The following ZMYM4 variants were observed in gnomAD, a reference collection of about 807,000 sequenced individuals.
The protein encoded by ZMYM4 is zinc finger MYM-type containing 4, also known as zinc finger MYM-type protein 4.
In ZMYM4, 31 loss-of-function variants were observed where a neutral mutation model predicts 183.2. That is an observed-to-expected ratio of 0.17 (90% confidence interval 0.13 to 0.23). The LOEUF (loss-of-function observed/expected upper bound fraction) is 0.23. ZMYM4 is among the 10% of genes least tolerant of loss of function. The probability of loss-of-function intolerance (pLI) is 1.00; values close to 1 mark genes in which losing one functional copy is unlikely to be tolerated. For synonymous variants in ZMYM4, 592 were observed against 631.2 expected (o/e 0.94, Z 0.93); for missense variants, 1,273 against 1,840.3 (o/e 0.69, Z 5.64).
intron 1 of ZMYM4, among the ~76,000 whole-genome samples, chr1:35,306,260 T>G (rs946544834): frequency 6.6e-6 from 1 of 152,230 alleles, no homozygotes; most frequent in Non-Finnish European, 1.5e-5. Context: ...TTATATCATT[T>G]ATAGAACCTG....
In ZMYM4 at chr1:35,268,971, TGGGCG is replaced by T. The variant is rs1200580077; in HGVS notation, c.-72_-68del. 4.1e-6 allele frequency: 6 copies of T among 1,453,920 alleles called. No homozygotes were observed. Among genetic ancestry groups the T allele is most frequent in the Admixed American group, 4.9e-5 (2 of 40,470 alleles). 90.1% of individuals were successfully genotyped at this position (1,453,920 alleles called of 1,614,324 possible). A position where few individuals can be genotyped will look rare whatever the true frequency, so the allele number is the denominator to read the frequency against. On this transcript the variant is annotated 5_prime_UTR_variant, in exon 1 of 30. Transcript: ENST00000314607. Reference sequence around the variant, plus strand: ...CCGCGAGGCGGCCGTGCCTGCAGTGTGGGCGGGGGCCGGGGGGCCGAGAGGTACCG... The same window carrying T: ...CCGCGAGGCGGCCGTGCCTGCAGTGTGGGGCCGGGGGGCCGAGAGGTACCG...
chr1:35,294,920 T>C (rs551215479), intron 1 of ZMYM4, among the ~76,000 whole-genome samples: 20 of 152,288 alleles, frequency 1.3e-4, no homozygotes, highest in East Asian at 7.7e-4. Context: ...ATAAAAACAA[T>C]AGATAACCAC....
At chr1:35,347,718 G>A (rs1459831844) in intron 2 of ZMYM4, among the ~76,000 whole-genome samples, 2 of 152,034 alleles carry the variant, frequency 1.3e-5, no homozygotes, top group Admixed American at 1.3e-4. Context: ...AAGAATAGTA[G>A]GAATGCTTAT....
intron 1 of ZMYM4, among the ~76,000 whole-genome samples, chr1:35,307,639 A>G (rs575134188): frequency 2.7e-4 from 41 of 149,456 alleles, no homozygotes; most frequent in African/African-American, 9.6e-4. Flanking sequence ...GGTTCACGCC[A>G]TTCTCCTGCC....
At chr1:35,296,744 C>G (rs1641031803) in intron 1 of ZMYM4, among the ~76,000 whole-genome samples, 1 of 151,864 alleles carries the variant, frequency 6.6e-6, no homozygotes, top group African/African-American at 2.4e-5. Context: ...TTGAAATAGT[C>G]AGTTTCATTC....
chr1:35,399,442 G>A (rs1338034586), intron 22 of ZMYM4, 40 bp from the exon 23 acceptor site: 1 of 1,566,610 alleles, frequency 6.4e-7, no homozygotes, highest in Non-Finnish European at 8.8e-7. Flanking sequence ...AAATTTGTGA[G>A]TTATTTACCT....
At position 35,312,300 on chromosome 1, in the gene ZMYM4, A is replaced by C. The variant is rs56958880; in HGVS notation, c.40-13060A>C. Among the ~76,000 whole-genome samples the C allele has an allele frequency of 2.6e-5, 4 of 152,226 alleles. No homozygotes were observed. In the East Asian group the frequency reaches 7.7e-4, roughly 29 times the overall value. The stretch of plus-strand genomic sequence containing the variant: ...GGAAGTTTTCAGCCATTATTTCTTC[A>C]GATATTTTTTTCTGCTCTGCAGTCT... On this transcript the variant is annotated intron_variant, in intron 1 of 29. Coordinates refer to ENST00000314607, the MANE Select transcript of ZMYM4 (RefSeq NM_005095.3).
At chr1:35,284,348 A>G (rs1640363723) in intron 1 of ZMYM4, among the ~76,000 whole-genome samples, 1 of 152,328 alleles carries the variant, frequency 6.6e-6, no homozygotes, top group Middle Eastern at 3.4e-3. Flanking sequence ...ATCATATTTA[A>G]GATGCTATTG....
At chr1:35,303,456 A>C (rs1341857356) in intron 1 of ZMYM4, among the ~76,000 whole-genome samples, 1 of 152,068 alleles carries the variant, frequency 6.6e-6, no homozygotes, top group Non-Finnish European at 1.5e-5. Context: ...CCCAGGCTGG[A>C]GTACAGTGGC....
At chr1:35,302,572 A>G (rs1641340528) in intron 1 of ZMYM4, among the ~76,000 whole-genome samples, 1 of 151,624 alleles carries the variant, frequency 6.6e-6, no homozygotes, top group Non-Finnish European at 1.5e-5. Flanking sequence ...TTTTTAGTAG[A>G]GACAGGGTTT....
Position 35,390,096 on chromosome 1 carries a change from C to A in ZMYM4, c.2585C>A (p.Ala862Glu). ...TGTGACCCGCCTTCACAAAATAATG[C>A]AGGTAAAATTAACCTTAGGTACTGA... ...SVCDPPSQNN[A>E]ANISMVQAAS... is the part of the protein sequence containing the mutation. The change falls in exon 15 of 30, where the codon GCA becomes GAA. Residue 862 changes from alanine to glutamate, a missense_variant and splice_region_variant. Physicochemically the swap from Ala to Glu is moderately radical, Grantham distance 107 (BLOSUM62 -1). Around this residue, in one of 6 missense-constraint regions of ZMYM4, gnomAD observed 290 missense variants for 353.3 expected, o/e 0.82. Transcript: ENST00000314607. 1.2e-6 allele frequency: 2 copies of A among 1,612,726 alleles called. No individual in the cohort carries two copies. The highest frequency in any genetic ancestry group is 8.5e-7 in the Non-Finnish European group (1 of 1,179,212).
At chr1:35,365,085 G>A (rs560770202) in intron 5 of ZMYM4, among the ~76,000 whole-genome samples, 10 of 152,146 alleles carry the variant, frequency 6.6e-5, no homozygotes, top group African/African-American at 2.2e-4. Context: ...GCTTTTACAC[G>A]TACTGTGTTG....
chr1:35,319,946 CTTTTA>C (rs1441751255), intron 1 of ZMYM4, among the ~76,000 whole-genome samples: 2 of 152,124 alleles, frequency 1.3e-5, no homozygotes, highest in Non-Finnish European at 2.9e-5. Context: ...AGAAATGATT[CTTTTA>C]TTTAGCAAAG....
intron 2 of ZMYM4, among the ~76,000 whole-genome samples, chr1:35,334,547 A>T (rs988907790): frequency 6.6e-6 from 1 of 152,184 alleles, no homozygotes; most frequent in Non-Finnish European, 1.5e-5. Flanking sequence ...TTGTCTAGTA[A>T]TAAATATTTG....
intron 2 of ZMYM4, among the ~76,000 whole-genome samples, chr1:35,357,006 C>T (rs1439431837): frequency 6.6e-6 from 1 of 152,202 alleles, no homozygotes; most frequent in African/African-American, 2.4e-5. Context: ...TCCTCAGCCT[C>T]CTGAGTAGCT....
chr1:35,387,394 A>G, intron 12 of ZMYM4, 60 bp from the exon 13 acceptor site: 1 of 1,569,596 alleles, frequency 6.4e-7, no homozygotes, highest in South Asian at 1.2e-5. Context: ...TAAGGGAGAT[A>G]AGGAGTTCCA....
chr1:35,372,931 G>A (rs1022590985), intron 7 of ZMYM4, among the ~76,000 whole-genome samples: 7 of 152,132 alleles, frequency 4.6e-5, no homozygotes, highest in Non-Finnish European at 7.4e-5. Flanking sequence ...GCTAAGGCAG[G>A]TGGATCACTA....
intron 1 of ZMYM4, among the ~76,000 whole-genome samples, chr1:35,273,988 G>T (rs1222188329): frequency 6.6e-6 from 1 of 152,178 alleles, no homozygotes; most frequent in African/African-American, 2.4e-5. Context: ...ACTTCATGAT[G>T]TGATGGGATA....
intron 23 of ZMYM4, among the ~76,000 whole-genome samples, chr1:35,403,946 A>C (rs781456286): frequency 7.2e-5 from 11 of 151,992 alleles, no homozygotes; most frequent in Non-Finnish European, 1.5e-4. Context: ...TAAGTTGTTT[A>C]ATTTATTGGC....
Sources: allele counts gnomAD v4.1 joint callset (sites outside exome capture counted in the v4.1 genomes callset), GRCh38; gene constraint gnomAD v4.1.1; regional missense constraint gnomAD v4.1.1; transcripts MANE v1.5; gene names NCBI Gene and HGNC (gene_info 2026-07-23, HGNC 2026-07-21).